ROBO1: variants seen among roughly 807,000 people sequenced by gnomAD.
ROBO1 encodes roundabout guidance receptor 1, also known as roundabout homolog 1.
In ROBO1, 149 loss-of-function variants were observed where a neutral mutation model predicts 195.9. That is an observed-to-expected ratio of 0.76 (90% CI 0.67 to 0.87). ROBO1 has a LOEUF of 0.87. ROBO1 is among the 40% of genes least tolerant of loss of function. The pLI is 0.00. For missense variants in ROBO1, 1,933 were observed against 2,068.3 expected, an observed-to-expected ratio of 0.93 and a Z score of 1.27; for synonymous variants, 816 against 733.2, an observed-to-expected ratio of 1.11 and a Z score of -1.82.
At chr3:78,804,993 T>G (rs1238318934) in intron 4 of ROBO1, among the ~76,000 whole-genome samples, 2 of 152,134 alleles carry the variant, frequency 1.3e-5, no homozygotes, top group African/African-American at 4.8e-5. Context: ...TTCTGCTTGT[T>G]CCTTTATATG....
At chr3:79,403,582 CAA>C (rs1232383707) in intron 2 of ROBO1, among the ~76,000 whole-genome samples, 2 of 151,890 alleles carry the variant, frequency 1.3e-5, no homozygotes, top group Non-Finnish European at 2.9e-5. Flanking sequence ...GTTTCTTTTT[CAA>C]AGACATTGTA....
At chr3:78,693,835 A>G (rs1344183701) in intron 8 of ROBO1, among the ~76,000 whole-genome samples, 1 of 152,208 alleles carries the variant, frequency 6.6e-6, no homozygotes, top group Non-Finnish European at 1.5e-5. Flanking sequence ...ATAATATTCT[A>G]TGAAACTGAA....
intron 3 of ROBO1, among the ~76,000 whole-genome samples, chr3:79,091,984 A>T (rs1489273679): frequency 2.0e-5 from 3 of 152,194 alleles, no homozygotes; most frequent in African/African-American, 7.2e-5. Context: ...AATCTGATTT[A>T]AGATGAAAGG....
chr3:79,248,041 G>A (rs2082655518), intron 2 of ROBO1, among the ~76,000 whole-genome samples: 1 of 152,090 alleles, frequency 6.6e-6, no homozygotes, highest in Non-Finnish European at 1.5e-5. Context: ...TTCTCCTGAT[G>A]TTTAAAGAAG....
intron 2 of ROBO1, among the ~76,000 whole-genome samples, chr3:79,360,960 C>A (rs1053633403): frequency 2.6e-5 from 4 of 152,016 alleles, no homozygotes; most frequent in Non-Finnish European, 4.4e-5. Context: ...ATAAATTGAT[C>A]CATGGTGCAG....
intron 1 of ROBO1, among the ~76,000 whole-genome samples, chr3:79,609,490 T>G (rs1944589783): frequency 6.6e-6 from 1 of 151,912 alleles, no homozygotes; most frequent in Admixed American, 6.6e-5. Flanking sequence ...GATTCAGAAA[T>G]GCCACTTCTG....
chr3:78,719,404 AC>A (rs1318307247), intron 5 of ROBO1, among the ~76,000 whole-genome samples: 3 of 152,178 alleles, frequency 2.0e-5, no homozygotes, highest in Admixed American at 6.5e-5. Context: ...CACAAAAAAA[AC>A]ACGTTAATTA....
At chr3:79,264,592 G>A (rs2083001279) in intron 2 of ROBO1, among the ~76,000 whole-genome samples, 1 of 151,808 alleles carries the variant, frequency 6.6e-6, no homozygotes, top group Admixed American at 6.6e-5. Flanking sequence ...TGCTTGTTAA[G>A]TATAAAACTT....
At chr3:78,910,675 A>G (rs2038189502) in intron 4 of ROBO1, among the ~76,000 whole-genome samples, 2 of 152,018 alleles carry the variant, frequency 1.3e-5, no homozygotes, top group Non-Finnish European at 1.5e-5. Context: ...TGACCCTCTC[A>G]AGTCAACTAA....
At chr3:78,703,586 A>T (rs1436788947) in intron 8 of ROBO1, among the ~76,000 whole-genome samples, 1 of 152,086 alleles carries the variant, frequency 6.6e-6, no homozygotes, top group East Asian at 1.9e-4. Flanking sequence ...TACAAAATAA[A>T]CAAGAGGAAG....
chr3:79,467,221 TG>T (rs1447616144), intron 2 of ROBO1, among the ~76,000 whole-genome samples: 1 of 152,024 alleles, frequency 6.6e-6, no homozygotes. Flanking sequence ...GCCTGAATAA[TG>T]TACATTAGAC....
chr3:79,359,764 C>T (rs1019470094), intron 2 of ROBO1, among the ~76,000 whole-genome samples: 1 of 151,802 alleles, frequency 6.6e-6, no homozygotes, highest in Non-Finnish European at 1.5e-5. Context: ...GAAAGCAATC[C>T]TAAGTATCAA....
chr3:79,729,822 G>A (rs953728287), intron 1 of ROBO1, among the ~76,000 whole-genome samples: 1 of 152,126 alleles, frequency 6.6e-6, no homozygotes, highest in African/African-American at 2.4e-5. Context: ...GGCTAAATAC[G>A]CATCAGTTGA....
chr3:79,578,288 T>C (rs1943558665), intron 2 of ROBO1, among the ~76,000 whole-genome samples: 1 of 152,128 alleles, frequency 6.6e-6, no homozygotes. Flanking sequence ...AAAAATACAA[T>C]AAAACTAAAG....
intron 4 of ROBO1, among the ~76,000 whole-genome samples, chr3:78,761,845 T>C (rs575167233): frequency 5.9e-5 from 9 of 152,284 alleles, no homozygotes; most frequent in Admixed American, 5.2e-4. Flanking sequence ...ATTTAAAATA[T>C]TCATTAAGTT....
chr3:79,244,935 C>T (rs923472788), intron 2 of ROBO1, among the ~76,000 whole-genome samples: 9 of 151,950 alleles, frequency 5.9e-5, no homozygotes, highest in African/African-American at 1.9e-4. Flanking sequence ...ACAGCTCTAA[C>T]AGCCTGGTTA....
chr3:79,305,536 T>C (rs2033180466), intron 2 of ROBO1, among the ~76,000 whole-genome samples: 1 of 151,718 alleles, frequency 6.6e-6, no homozygotes, highest in Admixed American at 6.6e-5. Flanking sequence ...AGTCTTACTT[T>C]TGAAAAAATC....
At chr3:79,716,497 T>C (rs748404383) in intron 1 of ROBO1, among the ~76,000 whole-genome samples, 1 of 152,128 alleles carries the variant, frequency 6.6e-6, no homozygotes, top group African/African-American at 2.4e-5. Context: ...TAAGTAAATA[T>C]ATTTTTCACT....
At chr3:79,125,007 G>T (rs1167937692) in intron 3 of ROBO1, among the ~76,000 whole-genome samples, 1 of 151,846 alleles carries the variant, frequency 6.6e-6, no homozygotes, top group East Asian at 1.9e-4. Context: ...TGGTGGTTAT[G>T]AATTACATCG....
Sources: allele counts gnomAD v4.1 joint callset (sites outside exome capture counted in the v4.1 genomes callset), GRCh38; gene constraint gnomAD v4.1.1; transcripts MANE v1.5; gene names NCBI Gene and HGNC (gene_info 2026-07-23, HGNC 2026-07-21).